MAOA: variants seen among roughly 807,000 people sequenced by gnomAD.
The protein encoded by MAOA is monoamine oxidase A, also known as amine oxidase [flavin-containing] A.
MAOA carries 6 observed loss-of-function variants against 42.0 expected under a neutral mutation model. That is an observed-to-expected ratio of 0.14 (90% confidence interval 0.08 to 0.28). The LOEUF (loss-of-function observed/expected upper bound fraction) is 0.28. Among genes scored for constraint, MAOA ranks in the 10% least tolerant of loss-of-function variants. The pLI, the probability that MAOA is intolerant of heterozygous loss-of-function variation, is 1.00. For synonymous variants in MAOA, 140 were observed against 154.0 expected, an observed-to-expected ratio of 0.91 and a Z score of 0.67; for missense variants, 262 against 422.3, an observed-to-expected ratio of 0.62 and a Z score of 3.33.
At chrX:43,730,912 C>T (rs1337495235) in intron 6 of MAOA, among the ~76,000 whole-genome samples, 1 of 112,035 alleles carries the variant, frequency 8.9e-6, no homozygotes, top group Non-Finnish European at 1.9e-5. Flanking sequence ...GCTCCCTCCA[C>T]ACCCTGCACT....
chrX:43,683,628 C>T, intron 2 of MAOA, 21 bp downstream of exon 2: 1 of 1,104,414 alleles, frequency 9.1e-7, no homozygotes, highest in Non-Finnish European at 1.3e-6. Flanking sequence ...TTAATACTTA[C>T]ATGTAATGTA....
chrX:43,713,906 A>G (rs2033717750), intron 5 of MAOA, among the ~76,000 whole-genome samples: 1 of 111,641 alleles, frequency 9.0e-6, no homozygotes, highest in Non-Finnish European at 1.9e-5. Context: ...AATGATACAC[A>G]GGGACAGGAG....
intron 3 of MAOA, among the ~76,000 whole-genome samples, chrX:43,694,837 C>G (rs2147086208): frequency 8.9e-6 from 1 of 112,000 alleles, no homozygotes; most frequent in East Asian, 2.8e-4. Context: ...CTCTCCACTC[C>G]AACTGGGAAG....
At chrX:43,736,167 A>G in intron 9 of MAOA, 60 bp from the exon 10 acceptor site, 1 of 843,433 alleles carries the variant, frequency 1.2e-6, no homozygotes, top group Non-Finnish European at 1.7e-6. Context: ...TCAGAAAGAA[A>G]GGGCAGCTCT....
At chrX:43,703,165 C>G (rs2033636489) in intron 3 of MAOA, among the ~76,000 whole-genome samples, 1 of 111,696 alleles carries the variant, frequency 9.0e-6, no homozygotes, top group Non-Finnish European at 1.9e-5. Context: ...CACCCTATCT[C>G]TGCCATCATG....
At chrX:43,740,425 C>T (rs1359185100) in intron 10 of MAOA, among the ~76,000 whole-genome samples, 1 of 110,834 alleles carries the variant, frequency 9.0e-6, no homozygotes, top group Non-Finnish European at 1.9e-5. Context: ...GTGAAAGAGG[C>T]AAAAATGTAA....
intron 1 of MAOA, among the ~76,000 whole-genome samples, chrX:43,669,952 C>T (rs1412217598): frequency 9.0e-6 from 1 of 111,605 alleles, no homozygotes; most frequent in East Asian, 2.8e-4. Flanking sequence ...CAATACCAAC[C>T]ATAGCATAAA....
At chrX:43,671,762 G>A (rs1476726621) in intron 1 of MAOA, among the ~76,000 whole-genome samples, 2 of 100,986 alleles carry the variant, frequency 2.0e-5, no homozygotes, top group South Asian at 1.0e-3. Flanking sequence ...TAGATATGCG[G>A]CATTATTTCT....
chrX:43,743,217 C>G (rs761520916), intron 12 of MAOA, among the ~76,000 whole-genome samples: 5 of 111,256 alleles, frequency 4.5e-5, no homozygotes, highest in Non-Finnish European at 7.5e-5. Flanking sequence ...AGACCCATTT[C>G]CTTGCTCTCA....
intron 5 of MAOA, among the ~76,000 whole-genome samples, chrX:43,718,292 T>G: frequency 1.0e-5 from 1 of 98,374 alleles, no homozygotes; most frequent in Non-Finnish European, 2.0e-5. Flanking sequence ...ACCTGGGTAG[T>G]AGTGGGGGAG....
intron 3 of MAOA, among the ~76,000 whole-genome samples, chrX:43,705,298 A>G (rs755919696): frequency 8.9e-6 from 1 of 112,460 alleles, no homozygotes; most frequent in South Asian, 3.6e-4. Flanking sequence ...TAGAACTGTG[A>G]TTTCAGAAAT....
chrX:43,726,490 A>T (rs998946686), intron 5 of MAOA, among the ~76,000 whole-genome samples: 1 of 111,904 alleles, frequency 8.9e-6, no homozygotes, highest in Non-Finnish European at 1.9e-5. Context: ...TGTCTGCTTC[A>T]CGAAGTTCTT....
At chrX:43,702,084 C>G (rs1328937240) in intron 3 of MAOA, among the ~76,000 whole-genome samples, 1 of 112,028 alleles carries the variant, frequency 8.9e-6, no homozygotes, top group Non-Finnish European at 1.9e-5. Context: ...CATATCTAGT[C>G]CATTCTGGGC....
At chrX:43,684,917 G>A (rs1281773887) in intron 2 of MAOA, among the ~76,000 whole-genome samples, 1 of 82,861 alleles carries the variant, frequency 1.2e-5, no homozygotes, top group Admixed American at 1.8e-4. Context: ...TGCTCTTGTC[G>A]CCCAGGCTAG....
At chrX:43,668,060 A>T (rs753582212) in intron 1 of MAOA, among the ~76,000 whole-genome samples, 13 of 112,173 alleles carry the variant, frequency 1.2e-4, no homozygotes, top group Admixed American at 5.7e-4. Context: ...AGGTCCATTT[A>T]CAGTTTTGAT....
At chrX:43,726,974 A>T (rs1436900895) in intron 5 of MAOA, among the ~76,000 whole-genome samples, 1 of 111,410 alleles carries the variant, frequency 9.0e-6, no homozygotes, top group Admixed American at 9.5e-5. Flanking sequence ...TCCACTCCAG[A>T]TGCTGTTTGC....
At chrX:43,671,874 T>C (rs746228959) in intron 1 of MAOA, among the ~76,000 whole-genome samples, 1,903 of 104,408 alleles carry the variant, frequency 0.018, 47 homozygotes, top group African/African-American at 0.063. Context: ...AGTCAGGTAG[T>C]GTGATGCCTC....
Position 43,725,738 on chromosome X carries a change from C to T in MAOA, c.504-2435C>T, listed in dbSNP as rs370620035. 2.3e-3 allele frequency among the ~76,000 whole-genome samples: 258 copies of T among 111,444 alleles called. 1 individual carries two copies. Among genetic ancestry groups the T allele is most frequent in the African/African-American group, 7.7e-3 (237 of 30,645 alleles). On this transcript the variant is annotated intron_variant, in intron 5 of 14. Coordinates refer to ENST00000338702, the MANE Select transcript of MAOA (RefSeq NM_000240.4). The stretch of plus-strand genomic sequence containing the variant: ...TTTGATGCTAGCTGGTTATTTTTCC[C>T]GCTAGTTGATGCAGTTTCTTCATAG...
rs1028101657 is a variant in MAOA at position 43,744,427 on chromosome X, G to A, written c.1498G>A (p.Gly500Ser). 4.1e-6 allele frequency: 5 copies of A among 1,207,607 alleles called. No individual in the cohort carries two copies. The African/African-American group carries it at 8.8e-5, about 21-fold the overall frequency. Residue 500 changes from glycine to serine, a missense_variant, in exon 15 of 15, where the codon GGC becomes AGC. Gly to Ser is a moderately conservative substitution (Grantham distance 56). Around this residue, in one of 3 missense-constraint regions of MAOA, gnomAD observed 35 missense variants for 36.4 expected, o/e 0.96. Coordinates refer to ENST00000338702, the MANE Select transcript of MAOA (RefSeq NM_000240.4). ...GGAAAGGAACCTGCCCTCTGTTTCTGGCCTGCTGAAGATCATTGGATTTTC... is the reference window on the plus strand; with the variant it reads ...GGAAAGGAACCTGCCCTCTGTTTCTAGCCTGCTGAAGATCATTGGATTTTC... Reference protein sequence around the residue: ...FWERNLPSVSGLLKIIGFSTS... With the variant: ...FWERNLPSVSSLLKIIGFSTS...
Sources: gnomAD v4.1 joint callset for allele counts (sites outside exome capture counted in the v4.1 genomes callset) on GRCh38, gnomAD v4.1.1 for gene constraint, gnomAD v4.1.1 regional missense constraint, MANE v1.5 for transcripts, NCBI Gene and HGNC (gene_info 2026-07-23, HGNC 2026-07-21) for gene names.